SPATA31A7: variants seen among roughly 807,000 people sequenced by gnomAD.
SPATA31A7 encodes the protein SPATA31 subfamily A member 7.
Under a neutral mutation model 40.5 loss-of-function variants are expected in SPATA31A7, and 2 were observed. The observed-to-expected ratio is 0.05, with a 90% CI of 0.02 to 0.16. The LOEUF (loss-of-function observed/expected upper bound fraction) is 0.16, where lower values mean the gene tolerates loss of function less well. Among genes scored for constraint, SPATA31A7 ranks in the 10% least tolerant of loss-of-function variants. SPATA31A7 has a pLI of 1.00. For missense variants in SPATA31A7, 36 were observed against 590.3 expected (o/e 0.06, Z 9.73); for synonymous variants, 17 against 231.9 (o/e 0.07, Z 8.42).
rs1340067015 is a variant in SPATA31A7, at chr9:61,191,935, G to A, written c.248-144G>A. ...TTGTCCTCCATGCCTTGCTATTAAC[G>A]TCGGGGTCATGTGGCTTTGGACACA... On this transcript the variant is annotated intron_variant, in intron 2 of 3. Transcript: ENST00000619167. 2.9e-5 allele frequency: 34 copies of A among 1,183,622 alleles called. 2 individuals carry two copies. In the Middle Eastern group the frequency reaches 9.0e-4, roughly 31 times the overall value. 73.3% of individuals were successfully genotyped at this position (1,183,622 alleles called of 1,614,324 possible).
At position 61,192,748 on chromosome 9, in the gene SPATA31A7, CA is replaced by C; in HGVS notation, c.666del (p.Gly223AlafsTer12). The C allele has an allele frequency of 1.3e-6, 1 of 756,238 alleles. No homozygotes were observed. The highest frequency in any genetic ancestry group is 1.9e-6 in the Non-Finnish European group (1 of 523,376). 46.8% of individuals were successfully genotyped at this position (756,238 alleles called of 1,614,324 possible). On this transcript the variant is annotated frameshift_variant, in exon 4 of 4. Transcript: ENST00000619167. LOFTEE classifies it high-confidence loss of function. The stretch of plus-strand genomic sequence containing the variant: ...CCTCTGGCCTGCTCTCTGCCTCCTC[CA>C]AAAGGCTTCACTGCTCCTCCCCTGC...
chr9:61,192,988 A>T, exon 4 of SPATA31A7: 4 of 1,220,114 alleles, frequency 3.3e-6, no homozygotes, highest in Admixed American at 2.6e-5. Flanking sequence ...CAGCAAGATC[A>T]TCTTTCCCGC....
exon 4 of SPATA31A7, chr9:61,193,066 T>G: frequency 7.5e-7 from 1 of 1,337,384 alleles, no homozygotes; most frequent in Non-Finnish European, 9.8e-7. Context: ...GGCCAGAATG[T>G]CGTGGGGATA....
chr9:61,194,091 C>T (rs1826860572), exon 4 of SPATA31A7: 2 of 1,017,298 alleles, frequency 2.0e-6, no homozygotes, highest in South Asian at 1.7e-5. Context: ...GGACCCGTGC[C>T]CACATCTGGG....
Position 61,191,458 on chromosome 9 carries a change from A to G in SPATA31A7, c.195A>G (p.Pro65=). 20 of 1,389,728 alleles carry G rather than the reference A, an allele frequency of 1.4e-5. 6 individuals are homozygous for G. Among genetic ancestry groups the G allele is most frequent in the Non-Finnish European group, 1.7e-5 (18 of 1,044,650 alleles). The allele number at this position is 1,389,728 out of a possible 1,614,324, so 86.1% of individuals were successfully genotyped here. Residue 65 remains proline (P), a synonymous_variant, in exon 2 of 4, where the codon CCA becomes CCG. Transcript: ENST00000619167. ...TACGTCATCGTGTCTCCCAGTGTCCAGTAGGGCGGAGGCGGAGGCCCAGAG... is the reference window on the plus strand; with the variant it reads ...TACGTCATCGTGTCTCCCAGTGTCCGGTAGGGCGGAGGCGGAGGCCCAGAG...
chr9:61,192,855 CATG>C, exon 4 of SPATA31A7: 1 of 678,736 alleles, frequency 1.5e-6, no homozygotes, highest in South Asian at 2.1e-5. Context: ...CTTGTCTCCA[CATG>C]AGGATTTGGT....
chr9:61,191,477 C>T (rs1180825287), exon 2 of SPATA31A7: 2 of 1,386,846 alleles, frequency 1.4e-6, no homozygotes, highest in Non-Finnish European at 1.9e-6. Flanking sequence ...GAGGCGGAGG[C>T]CCAGAGGCAG....
chr9:61,191,883 T>C, intron 2 of SPATA31A7, 196 bp from the exon 3 acceptor site: 2 of 883,472 alleles, frequency 2.3e-6, no homozygotes, highest in Non-Finnish European at 3.4e-6. Context: ...GGTCCGTGTG[T>C]GGAAGCCCTT....
chr9:61,194,004 CCCAGT>C lies in SPATA31A7; in HGVS notation c.1921_1925del (p.Ser641LeufsTer9). On this transcript the variant is annotated frameshift_variant, in exon 4 of 4. Coordinates refer to ENST00000619167, the Ensembl canonical transcript of SPATA31A7. LOFTEE classifies it high-confidence loss of function. Reference sequence around the variant, plus strand: ...AGGGACAAGTCAGGCCAAGGGCAAACCCAGTCCCTGGCAGTCCTCCATGTCCACAG... The same window carrying C: ...AGGGACAAGTCAGGCCAAGGGCAAACCCCTGGCAGTCCTCCATGTCCACAG... 3 of 1,508,684 alleles carry C rather than the reference CCCAGT, an allele frequency of 2.0e-6. No homozygotes were observed. Among genetic ancestry groups the C allele is most frequent in the Non-Finnish European group, 2.6e-6 (3 of 1,133,088 alleles). The allele number at this position is 1,508,684 out of a possible 1,614,324, so 93.5% of individuals were successfully genotyped here.
chr9:61,192,461 G>T lies in SPATA31A7; in HGVS notation c.375G>T (p.Glu125Asp). The change falls in exon 4 of 4, where the codon GAG becomes GAT. Residue 125 changes from glutamate (E) to aspartate (D), a missense_variant. By Grantham distance (45) the Glu-to-Asp change is conservative (BLOSUM62 2). Coordinates refer to ENST00000619167, the Ensembl canonical transcript of SPATA31A7. ...TCTCCGGTCCAGACCCCCCAGGTGA[G>T]GTGGGTGAAAGAGCACCTGATGGAG... is the stretch of plus-strand genomic sequence containing the variant. 5 of 1,588,972 alleles carry T rather than the reference G, an allele frequency of 3.1e-6. 1 individual carries two copies. In the South Asian group the frequency reaches 5.7e-5, roughly 18 times the overall value.
chr9:61,190,857 T>C (rs1271476815), intron 1 of SPATA31A7: 1 of 37,256 alleles, frequency 2.7e-5, no homozygotes, highest in Non-Finnish European at 5.8e-5. Flanking sequence ...TGTATTTTTA[T>C]TTTATTTGTG....
At chr9:61,192,014 A>T (rs1826824319) in intron 2 of SPATA31A7, 65 bp from the exon 3 acceptor site, 1 of 1,365,064 alleles carries the variant, frequency 7.3e-7, no homozygotes, top group East Asian at 2.6e-5. Context: ...AGAAACAGCC[A>T]CTCAGCCTCC....
At chr9:61,190,908 T>G in intron 1 of SPATA31A7, 1 of 22,670 alleles carries the variant, frequency 4.4e-5, no homozygotes, top group Non-Finnish European at 9.5e-5. Flanking sequence ...TTATTTTATT[T>G]TATTTTATTT....
chr9:61,191,896 T>C, intron 2 of SPATA31A7, 183 bp from the exon 3 acceptor site: 3 of 1,034,684 alleles, frequency 2.9e-6, no homozygotes, highest in Non-Finnish European at 4.2e-6. Context: ...AAGCCCTTTG[T>C]GAATGAAAAA....
chr9:61,191,905 A>T (rs1826821649), intron 2 of SPATA31A7, 174 bp from the exon 3 acceptor site: 1 of 1,127,944 alleles, frequency 8.9e-7, no homozygotes, highest in Admixed American at 2.3e-5. Context: ...GTGAATGAAA[A>T]AGCCTTGTCC....
In SPATA31A7 at chr9:61,191,941, G is replaced by T; in HGVS notation, c.248-138G>T. 6 of 1,199,562 alleles carry T rather than the reference G, an allele frequency of 5.0e-6. 1 individual carries two copies. Among genetic ancestry groups the T allele is most frequent in the Non-Finnish European group, 5.8e-6 (5 of 858,392 alleles). 74.3% of individuals were successfully genotyped at this position (1,199,562 alleles called of 1,614,324 possible). On this transcript the variant is annotated intron_variant, in intron 2 of 3. Transcript: ENST00000619167. ...TCCATGCCTTGCTATTAACGTCGGG[G>T]TCATGTGGCTTTGGACACAGATGGG... is the stretch of plus-strand genomic sequence containing the variant.
At chr9:61,191,873 G>T (rs1396414896) in intron 2 of SPATA31A7, 3 of 742,290 alleles carry the variant, frequency 4.0e-6, no homozygotes, top group Non-Finnish European at 4.3e-6. Flanking sequence ...GGGGGTGGGG[G>T]GTCCGTGTGT....
chr9:61,194,120 C>T, exon 4 of SPATA31A7: 1 of 444,340 alleles, frequency 2.3e-6, no homozygotes, highest in South Asian at 2.6e-5. Flanking sequence ...TGGGTGAGAC[C>T]CCACAAAATC....
chr9:61,192,307 G>GA (rs1443845952), intron 3 of SPATA31A7, 88 bp from the exon 4 acceptor site: 1 of 1,283,676 alleles, frequency 7.8e-7, no homozygotes, highest in Non-Finnish European at 1.0e-6. Context: ...AGGGTGTGGG[G>GA]TGGTGGAGGG....
Sources: gnomAD v4.1 joint callset for allele counts on GRCh38, gnomAD v4.1.1 for gene constraint, MANE v1.5 for transcripts, NCBI Gene and HGNC (gene_info 2026-07-23, HGNC 2026-07-21) for gene names.